Variants in CCDC160 observed in about 807,000 individuals in gnomAD.
CCDC160 encodes the protein coiled-coil domain containing 160.
For synonymous variants in CCDC160, 94 were observed against 79.4 expected (o/e 1.18, Z -0.98); for missense variants, 227 against 215.6 (o/e 1.05, Z -0.33).
At chrX:134,240,861 A>G (rs1221090427) in intron 1 of CCDC160, among the ~76,000 whole-genome samples, 2 of 106,492 alleles carry the variant, frequency 1.9e-5, no homozygotes, top group Non-Finnish European at 3.9e-5. Context: ...TAATTTTTGT[A>G]GACACGCATC....
chrX:134,238,965 A>T (rs1162331761), intron 1 of CCDC160, 125 bp downstream of exon 2: 1 of 111,904 alleles, frequency 8.9e-6, no homozygotes, highest in Admixed American at 9.6e-5. Flanking sequence ...GGAAGGCCTC[A>T]TAAAAATACA....
chrX:134,245,012 A>G (rs1441936238), exon 2 of CCDC160: 1 of 1,175,957 alleles, frequency 8.5e-7, no homozygotes. Context: ...TTCCAACTAA[A>G]TGAAATAGAA....
At chrX:134,245,159 G>T in exon 2 of CCDC160, 1 of 1,197,905 alleles carries the variant, frequency 8.3e-7, no homozygotes, top group Non-Finnish European at 1.1e-6. Flanking sequence ...AACTCTACCT[G>T]CAGTACAGAT....
intron 1 of CCDC160, among the ~76,000 whole-genome samples, chrX:134,239,497 A>G (rs182294088): frequency 8.9e-6 from 1 of 112,051 alleles, no homozygotes; most frequent in Admixed American, 9.5e-5. Context: ...ATCAACAACT[A>G]ACTTACAGAA....
At chrX:134,245,366 T>C (rs764412881) in exon 2 of CCDC160, 2 of 1,191,048 alleles carry the variant, frequency 1.7e-6, no homozygotes, top group African/African-American at 3.5e-5. Flanking sequence ...CCCCTAAATT[T>C]TCAAGAAACA....
At position 134,241,113 on chromosome X, in the gene CCDC160, G is replaced by C. The variant is rs538252390; in HGVS notation, c.-24-3664G>C. ...CGCTTTAATATGATTATACTCTCTG[G>C]GGCCCCAGCTGAAAAATGAAACTGA... On this transcript the variant is annotated intron_variant, in intron 1 of 1. Transcript: ENST00000370809. 9.0e-5 allele frequency among the ~76,000 whole-genome samples: 10 copies of C among 110,839 alleles called. No individual in the cohort carries two copies. In the South Asian group the frequency reaches 2.3e-3, roughly 26 times the overall value.
chrX:134,243,432 A>T (rs1444420932), intron 1 of CCDC160: 3 of 508,827 alleles, frequency 5.9e-6, no homozygotes, highest in African/African-American at 2.6e-5. Flanking sequence ...TATCAAGTTT[A>T]TTCCTTCATT....
Position 134,245,072 on chromosome X carries a change from CAG to C in CCDC160, c.274_275del (p.Asp92HisfsTer7), listed in dbSNP as rs1374365506. On this transcript the variant is annotated frameshift_variant, in exon 2 of 2. Coordinates refer to ENST00000370809, the Ensembl canonical transcript of CCDC160. LOFTEE classifies it low-confidence loss of function (END_TRUNC). ...AAGAGAAACATTTCAAAGAATGAAA[CAG>C]ACACAAATTCTGCATCCTATGAATC... The C allele has an allele frequency of 8.4e-7, 1 of 1,183,927 alleles. No homozygotes were observed. Among genetic ancestry groups the C allele is most frequent in the South Asian group, 1.9e-5 (1 of 53,575 alleles).
At chrX:134,240,768 CA>C (rs1437505239) in intron 1 of CCDC160, among the ~76,000 whole-genome samples, 1 of 96,782 alleles carries the variant, frequency 1.0e-5, no homozygotes, top group Admixed American at 1.2e-4. Context: ...ACTTCAGCCT[CA>C]ACCCCCTGAG....
chrX:134,245,630 A>G, exon 2 of CCDC160: 2 of 1,209,983 alleles, frequency 1.7e-6, no homozygotes, highest in East Asian at 5.9e-5. Context: ...ATCCGCGGAG[A>G]GCTCAGTGTC....
At chrX:134,246,831 A>T (rs191497479), downstream of CCDC160, among the ~76,000 whole-genome samples, 19 of 112,223 alleles carry the variant, frequency 1.7e-4, no homozygotes, top group African/African-American at 6.1e-4. Flanking sequence ...AACCAAATGT[A>T]ATTGCACACT....
exon 2 of CCDC160, chrX:134,244,869 A>G (rs779154022): frequency 5.0e-6 from 6 of 1,199,255 alleles, no homozygotes; most frequent in African/African-American, 1.7e-5. Context: ...AAGATGTTCT[A>G]GAAGAGACTT....
chrX:134,237,746 G>A (rs1364678902), intron 1 of CCDC160, among the ~76,000 whole-genome samples: 4 of 112,186 alleles, frequency 3.6e-5, no homozygotes, highest in Non-Finnish European at 7.5e-5. Flanking sequence ...TGCATACAAA[G>A]ATACAGCTTT....
intron 1 of CCDC160, among the ~76,000 whole-genome samples, chrX:134,242,676 GAAAAGAGTTTTTTATTTTAACCTTTATCC>G (rs1250182892): frequency 2.7e-5 from 3 of 110,608 alleles, no homozygotes; most frequent in Non-Finnish European, 5.7e-5. Context: ...AATTATTAAT[GAAAAGAGTTTTTTATTTTAACCTTTATCC>G]ATACCCAGAC....
chrX:134,242,288 G>T (rs1208953102), intron 1 of CCDC160, among the ~76,000 whole-genome samples: 3 of 111,334 alleles, frequency 2.7e-5, no homozygotes, highest in African/African-American at 9.8e-5. Context: ...CCTAAGCTCT[G>T]AAAATAGTGA....
At chrX:134,243,729 G>T (rs766919071) in intron 1 of CCDC160, among the ~76,000 whole-genome samples, 4 of 112,104 alleles carry the variant, frequency 3.6e-5, no homozygotes, top group Non-Finnish European at 7.5e-5. Flanking sequence ...TCTACATGGT[G>T]ATACTACAAA....
intron 1 of CCDC160, among the ~76,000 whole-genome samples, chrX:134,238,134 TAAC>T (rs779018053): frequency 8.9e-4 from 99 of 111,443 alleles, no homozygotes; most frequent in Non-Finnish European, 1.5e-3. Context: ...GCGTGCTCAT[TAAC>T]AACAAGCCAG....
chrX:134,244,878 T>G (rs748338127), exon 2 of CCDC160: 3 of 1,201,682 alleles, frequency 2.5e-6, no homozygotes, highest in Non-Finnish European at 3.4e-6. Flanking sequence ...TAGAAGAGAC[T>G]TCTGAGCCTG....
At chrX:134,240,936 C>T (rs1839544078) in intron 1 of CCDC160, among the ~76,000 whole-genome samples, 1 of 108,861 alleles carries the variant, frequency 9.2e-6, no homozygotes, top group African/African-American at 3.4e-5. Context: ...CTCTGCCTCC[C>T]AAAGCACTGG....
Sources: allele counts gnomAD v4.1 joint callset (sites outside exome capture counted in the v4.1 genomes callset), GRCh38; gene constraint gnomAD v4.1.1; transcripts MANE v1.5; gene names NCBI Gene and HGNC (gene_info 2026-07-23, HGNC 2026-07-21).